Variants in KRT7 observed in about 807,000 individuals in gnomAD.
KRT7 encodes the protein keratin 7.
Under a neutral mutation model 42.8 loss-of-function variants are expected in KRT7, and 50 were observed. That is an observed-to-expected ratio of 1.17 (90% CI 0.93 to 1.48). The LOEUF is 1.48. Among genes scored for constraint, KRT7 ranks in the 40% most tolerant of loss-of-function variants. The pLI is 0.00. For synonymous variants in KRT7, 268 were observed against 266.3 expected (o/e 1.01, Z -0.06); for missense variants, 588 against 637.6 (o/e 0.92, Z 0.84).
intron 3 of KRT7, 48 bp from the exon 4 acceptor site, chr12:52,238,632 G>A: frequency 8.8e-7 from 1 of 1,141,494 alleles, no homozygotes; most frequent in East Asian, 2.3e-5. Flanking sequence ...AATGTTCCCT[G>A]TACTGAGGAC....
chr12:52,255,160 G>T (rs550374100), downstream of KRT7, among the ~76,000 whole-genome samples: 1 of 152,344 alleles, frequency 6.6e-6, no homozygotes, highest in Admixed American at 6.5e-5. Flanking sequence ...CACCCAGGGA[G>T]CACTGGAGCA....
At position 52,248,120 on chromosome 12, in the gene KRT7, G is replaced by A. The variant is rs180982158; in HGVS notation, c.1206-57G>A. On this transcript the variant is annotated intron_variant, in intron 7 of 8. Transcript: ENST00000331817. ...GGCCTGGAAGGAGAGAGGGCTGAGA[G>A]CGCTTCCCTCCCACGCTAGGAAAGA... 210 of 1,534,096 alleles carry A rather than the reference G, an allele frequency of 1.4e-4. 1 individual carries two copies. In the African/African-American group the frequency reaches 1.9e-3, roughly 14 times the overall value.
chr12:52,240,875 C>T (rs925732035), intron 4 of KRT7, among the ~76,000 whole-genome samples: 7 of 152,050 alleles, frequency 4.6e-5, no homozygotes, highest in Non-Finnish European at 8.8e-5. Flanking sequence ...CTGCACCCAT[C>T]AACTTGTCAT....
Position 52,245,627 on chromosome 12 carries a change from G to C in KRT7, c.1200G>C (p.Glu400Asp). The change falls in exon 7 of 9, where the codon GAG becomes GAC. Residue 400 changes from glutamate to aspartate, a missense_variant. Coordinates refer to ENST00000331817, the MANE Select transcript of KRT7 (RefSeq NM_005556.4). ...ACCGCAAGCTGCTGGAGGGCGAGGA[G>C]AGCCGGTGAGGACAAGGAACCTGGA... ...ATYRKLLEGE[E>D]SRLAGDGVGA... The C allele has an allele frequency of 6.2e-7, 1 of 1,613,474 alleles. No individual in the cohort carries two copies. Among genetic ancestry groups the C allele is most frequent in the African/African-American group, 1.3e-5 (1 of 75,040 alleles).
chr12:52,242,295 G>A (rs1037827373), intron 5 of KRT7, among the ~76,000 whole-genome samples: 7 of 152,182 alleles, frequency 4.6e-5, no homozygotes, highest in Non-Finnish European at 7.3e-5. Flanking sequence ...TTAAAGATGA[G>A]GAAATTGAGG....
At chr12:52,248,143 A>G in intron 7 of KRT7, 34 bp from the exon 8 acceptor site, 1 of 1,610,930 alleles carries the variant, frequency 6.2e-7, no homozygotes, top group Non-Finnish European at 8.5e-7. Context: ...ACGCTAGGAA[A>G]GAGCCGTCCT....
intron 4 of KRT7, 119 bp downstream of exon 4, chr12:52,238,894 C>A: frequency 2.9e-6 from 2 of 678,996 alleles, no homozygotes; most frequent in South Asian, 1.7e-5. Context: ...GAAACAAACT[C>A]ATCCGTCCAA....
Position 52,233,285 on chromosome 12 carries a change from G to A in KRT7, c.-12G>A. The A allele has an allele frequency of 6.5e-7, 1 of 1,535,756 alleles. No individual in the cohort carries two copies. The highest frequency in any genetic ancestry group is 2.7e-5 in the East Asian group (1 of 37,698). ...CCTCGCCCGCCGCTAGGTCCATCCCGGCCCAGCCACCATGTCCATCCACTT... is the reference window on the plus strand; with the variant it reads ...CCTCGCCCGCCGCTAGGTCCATCCCAGCCCAGCCACCATGTCCATCCACTT... On this transcript the variant is annotated 5_prime_UTR_variant, in exon 1 of 9. Coordinates refer to ENST00000331817, the MANE Select transcript of KRT7 (RefSeq NM_005556.4).
intron 8 of KRT7, 93 bp from the exon 9 acceptor site, chr12:52,248,498 G>A (rs1336371315): frequency 1.5e-6 from 2 of 1,302,442 alleles, no homozygotes; most frequent in Non-Finnish European, 2.1e-6. Context: ...AGGGAGAGGG[G>A]CAGCTGGGGC....
intron 4 of KRT7, among the ~76,000 whole-genome samples, chr12:52,240,295 A>G (rs1306560060): frequency 6.6e-6 from 1 of 152,246 alleles, no homozygotes; most frequent in Non-Finnish European, 1.5e-5. Context: ...ATACATACTC[A>G]TTGCAAAACA....
downstream of KRT7, chr12:52,250,674 T>G: frequency 1.6e-6 from 1 of 637,648 alleles, no homozygotes; most frequent in East Asian, 3.1e-5. Flanking sequence ...CCCAGTCTCC[T>G]GGCGGCCAGA....
chr12:52,238,635 C>T (rs543320422), intron 3 of KRT7, 45 bp from the exon 4 acceptor site: 56 of 1,178,912 alleles, frequency 4.8e-5, no homozygotes, highest in Admixed American at 1.2e-4. Context: ...GTTCCCTGTA[C>T]TGAGGACATG....
At chr12:52,235,036 C>T (rs776092112) in intron 1 of KRT7, 119 bp from the exon 2 acceptor site, 48 of 904,696 alleles carry the variant, frequency 5.3e-5, no homozygotes, top group Non-Finnish European at 6.5e-5. Flanking sequence ...AAGCCCCAGG[C>T]AGGGAAACAG....
At chr12:52,252,415 G>A (rs768342291), downstream of KRT7, 17 of 1,613,992 alleles carry the variant, frequency 1.1e-5, no homozygotes, top group African/African-American at 1.3e-5. Flanking sequence ...AGCTTGCAGC[G>A]GGCATCACTG....
chr12:52,236,155 T>C lies in KRT7; in HGVS notation c.536+789T>C, dbSNP rs113992094. ...TGTGTGACTAAGCAGGAGTCACACA[T>C]TGGCTCTGACTGGAGGAGAGCAAAC... On this transcript the variant is annotated intron_variant, in intron 2 of 8. Coordinates refer to ENST00000331817, the MANE Select transcript of KRT7 (RefSeq NM_005556.4). Among the ~76,000 whole-genome samples the C allele has an allele frequency of 1.9e-3, 293 of 151,802 alleles. 2 individuals carry two copies. Among genetic ancestry groups the C allele is most frequent in the African/African-American group, 6.2e-3 (256 of 41,310 alleles).
intron 2 of KRT7, 44 bp from the exon 3 acceptor site, chr12:52,237,465 A>G: frequency 4.2e-6 from 6 of 1,440,452 alleles, no homozygotes; most frequent in South Asian, 3.6e-5. Flanking sequence ...GGACGGGAGC[A>G]TGGAGGCAAA....
At chr12:52,248,065 C>T in intron 7 of KRT7, 112 bp from the exon 8 acceptor site, 1 of 1,026,562 alleles carries the variant, frequency 9.7e-7, no homozygotes, top group East Asian at 2.4e-5. Flanking sequence ...AAGTGTGGGG[C>T]AAGAAGGAAA....
chr12:52,252,597 C>T (rs978676770), downstream of KRT7: 1 of 1,341,928 alleles, frequency 7.5e-7, no homozygotes. Flanking sequence ...TTTGTTAGGC[C>T]AGGGGTTGCA....
chr12:52,252,512 T>C, downstream of KRT7: 1 of 1,611,078 alleles, frequency 6.2e-7, no homozygotes, highest in African/African-American at 1.3e-5. Flanking sequence ...ATTAAGGATC[T>C]CTGTTCTGGC....
Sources: allele counts gnomAD v4.1 joint callset (sites outside exome capture counted in the v4.1 genomes callset), GRCh38; gene constraint gnomAD v4.1.1; transcripts MANE v1.5; gene names NCBI Gene and HGNC (gene_info 2026-07-23, HGNC 2026-07-21).